The following ACTL6B variants were observed in gnomAD, a reference collection of about 807,000 sequenced individuals.
ACTL6B encodes actin-like protein 6B.
A neutral mutation model predicts 63.3 loss-of-function variants in ACTL6B; 48 were observed. The ratio of observed to expected loss-of-function variants is 0.76; its 90% CI spans 0.60 to 0.96. The LOEUF (loss-of-function observed/expected upper bound fraction) is 0.96. Among genes scored for constraint, ACTL6B ranks in the 50% least tolerant of loss-of-function variants. The probability of loss-of-function intolerance (pLI) is 0.00; values close to 1 mark genes in which losing one functional copy is unlikely to be tolerated. For synonymous variants in ACTL6B, 230 were observed against 223.8 expected (o/e 1.03, Z -0.25); for missense variants, 350 against 572.2 (o/e 0.61, Z 3.96).
Position 100,647,389 on chromosome 7 carries a change from C to G in ACTL6B, c.759+55G>C. On this transcript the variant is annotated intron_variant, in intron 8 of 13. Coordinates refer to ENST00000160382, the MANE Select transcript of ACTL6B (RefSeq NM_016188.5). The surrounding 1 kb of genome is among the most constrained non-coding windows in gnomAD (Gnocchi z 4.4). ...CCTCCCATGCGGGGCCTCTGTCCCG[C>G]CCCCGATTCATGGCAGGGGAGGGGG... is the stretch of plus-strand genomic sequence containing the variant. 4 of 1,598,564 alleles carry G rather than the reference C, an allele frequency of 2.5e-6. No homozygotes were observed. The highest frequency in any genetic ancestry group is 3.4e-6 in the Non-Finnish European group (4 of 1,167,104).
intron 13 of ACTL6B, among the ~76,000 whole-genome samples, chr7:100,645,471 G>A (rs1478176373): frequency 6.6e-6 from 1 of 151,832 alleles, no homozygotes; most frequent in Non-Finnish European, 1.5e-5. Context: ...CTCATACCCC[G>A]ACCCCAAAGA....
rs1231229641 is a variant in ACTL6B at position 100,655,817 on chromosome 7, C to T, written c.88G>A (p.Glu30Lys). The change falls in exon 2 of 14, where the codon GAG (glutamate) becomes AAG (lysine). Residue 30 changes from glutamate to lysine, a missense_variant. Physicochemically the swap from Glu to Lys is moderately conservative, Grantham distance 56. Coordinates refer to ENST00000160382, the MANE Select transcript of ACTL6B (RefSeq NM_016188.5). This position sits in a 1 kb window ranked among gnomAD's most constrained non-coding sequence, Gnocchi z 4.4. ...GGAAGGCTCACCTTGGGACAGTCCT[C>T]CCCAGCGTACCCAGCGCGGACTGAG... Reference protein sequence around the residue: ...SFSVRAGYAGEDCPKADFPTT... With the variant: ...SFSVRAGYAGKDCPKADFPTT... 1 of 1,572,472 alleles carries T rather than the reference C, an allele frequency of 6.4e-7. No homozygotes were observed. The highest frequency in any genetic ancestry group is 1.8e-5 in the Admixed American group (1 of 54,474).
rs549024770 is a variant in ACTL6B at position 100,653,078 on chromosome 7, A to AAAG, written c.369+1938_369+1940dup. On this transcript the variant is annotated intron_variant, in intron 4 of 13. Coordinates refer to ENST00000160382, the MANE Select transcript of ACTL6B (RefSeq NM_016188.5). Reference sequence around the variant, plus strand: ...TTTTTTTCCAGTTCTAGGAAAACAAAAAGTTGCACAAGAAAGGAAAGGTGA... The same window carrying AAAG: ...TTTTTTTCCAGTTCTAGGAAAACAAAAAGAAGTTGCACAAGAAAGGAAAGGTGA... 6.7e-4 allele frequency among the ~76,000 whole-genome samples: 101 copies of AAAG among 151,398 alleles called. 1 individual carries two copies. The highest frequency in any genetic ancestry group is 2.2e-3 in the African/African-American group (91 of 41,286).
In ACTL6B at chr7:100,648,675, C is replaced by T. The variant is rs759021035; in HGVS notation, c.563-13G>A. ...GACTTGACGATGCCTAGAAGGAAGG[C>T]ACTGTCAGGACCTGGTCCTCCTGGA... On this transcript the variant is annotated splice_polypyrimidine_tract_variant and intron_variant, in intron 6 of 13. Transcript: ENST00000160382. The surrounding 1 kb of genome is among the most constrained non-coding windows in gnomAD (Gnocchi z 4.4). 1.7e-5 allele frequency: 28 copies of T among 1,612,394 alleles called. No homozygotes were observed. The highest frequency in any genetic ancestry group is 2.3e-5 in the Non-Finnish European group (27 of 1,178,916).
intron 4 of ACTL6B, 93 bp from the exon 5 acceptor site, chr7:100,650,228 C>G: frequency 1.0e-6 from 1 of 963,086 alleles, no homozygotes; most frequent in South Asian, 1.4e-5. Context: ...CACATACACT[C>G]ACGGTCACAC....
chr7:100,647,075 G>A lies in ACTL6B; in HGVS notation c.832C>T (p.Gln278Ter). 1 of 1,614,086 alleles carries A rather than the reference G, an allele frequency of 6.2e-7. No individual in the cohort carries two copies. Among genetic ancestry groups the A allele is most frequent in the Non-Finnish European group, 8.5e-7 (1 of 1,180,012 alleles). The change falls in exon 10 of 14, where the codon CAA becomes TAA. Residue 278 changes from glutamine (Q) to a stop codon, truncating the protein, a stop_gained. Coordinates refer to ENST00000160382, the MANE Select transcript of ACTL6B (RefSeq NM_016188.5). LOFTEE classifies it high-confidence loss of function. The surrounding 1 kb of genome is among the most constrained non-coding windows in gnomAD (Gnocchi z 4.4). ...ATCTCGTAGTGCACTGTGGGCATTTGTGCAGCCACCCTACCCAGAAGGGAG... is the reference window on the plus strand; with the variant it reads ...ATCTCGTAGTGCACTGTGGGCATTTATGCAGCCACCCTACCCAGAAGGGAG... The part of the protein sequence containing the change: ...DSPYDEQVAA[Q>*]MPTVHYEMPN...
intron 4 of ACTL6B, 86 bp from the exon 5 acceptor site, chr7:100,650,221 A>G: frequency 9.1e-7 from 1 of 1,104,292 alleles, no homozygotes; most frequent in Admixed American, 1.9e-5. Context: ...TCACTCACAC[A>G]TACACTCACG....
rs548971127 is a variant in ACTL6B at position 100,647,708 on chromosome 7, C to G, written c.670-175G>C. On this transcript the variant is annotated intron_variant, in intron 7 of 13. Coordinates refer to ENST00000160382, the MANE Select transcript of ACTL6B (RefSeq NM_016188.5). The surrounding 1 kb of genome is among the most constrained non-coding windows in gnomAD (Gnocchi z 4.4). ...AGAGGAGAGAGAATGGGGCATGCCT[C>G]TCTCTCCATGTGTGCCTTTCATGCG... is the stretch of plus-strand genomic sequence containing the variant. 1.7e-6 allele frequency: 1 copy of G among 576,908 alleles called. No individual in the cohort carries two copies. Among genetic ancestry groups the G allele is most frequent in the African/African-American group, 1.9e-5 (1 of 53,688 alleles). The allele number at this position is 576,908 out of a possible 1,614,324, so 35.7% of individuals were successfully genotyped here. A position where few individuals can be genotyped will look rare whatever the true frequency, so the allele number is the denominator to read the frequency against.
chr7:100,656,182 C>T (rs1804037016), intron 1 of ACTL6B, 148 bp downstream of exon 1: 3 of 1,012,972 alleles, frequency 3.0e-6, no homozygotes, highest in African/African-American at 1.7e-5. Flanking sequence ...CTGGGGAGGA[C>T]CGAGCGCAGG....
intron 4 of ACTL6B, among the ~76,000 whole-genome samples, chr7:100,650,749 T>C (rs1562849735): frequency 1.3e-5 from 2 of 150,078 alleles, no homozygotes. Context: ...AATAGAAGGA[T>C]TGGAACATAA....
In ACTL6B at chr7:100,655,488, G is replaced by A. The variant is rs372225959; in HGVS notation, c.201C>T (p.Ile67=). ...GAGGCACGTGCAGGGCATTGGTGTC[G>A]ATGTGGAAGATCTTCCCTTTCTTCT... is the stretch of plus-strand genomic sequence containing the variant. ...DKEKKGKIFH[I]DTNALHVPRD... The change falls in exon 3 of 14, where the codon ATC becomes ATT. Residue 67 remains isoleucine (I), a synonymous_variant. Transcript: ENST00000160382. This position sits in a 1 kb window ranked among gnomAD's most constrained non-coding sequence, Gnocchi z 4.4. 2 of 1,614,182 alleles carry A rather than the reference G, an allele frequency of 1.2e-6. No individual in the cohort carries two copies. The highest frequency in any genetic ancestry group is 1.7e-5 in the Admixed American group (1 of 60,016).
intron 4 of ACTL6B, among the ~76,000 whole-genome samples, chr7:100,650,698 C>G (rs1004593771): frequency 1.3e-5 from 2 of 151,508 alleles, no homozygotes; most frequent in Non-Finnish European, 1.5e-5. Flanking sequence ...AAGTAAGGAG[C>G]TTGTGGGAAT....
Position 100,655,642 on chromosome 7 carries a change from CT to C in ACTL6B, c.103-57del. 2 of 1,569,526 alleles carry C rather than the reference CT, an allele frequency of 1.3e-6. No individual in the cohort carries two copies. Among genetic ancestry groups the C allele is most frequent in the Non-Finnish European group, 1.7e-6 (2 of 1,158,334 alleles). On this transcript the variant is annotated intron_variant, in intron 2 of 13. Coordinates refer to ENST00000160382, the MANE Select transcript of ACTL6B (RefSeq NM_016188.5). The surrounding 1 kb of genome is among the most constrained non-coding windows in gnomAD (Gnocchi z 4.4). Reference sequence around the variant, plus strand: ...AGGGAGAGAGGTCACCCTCTTGCCCCTGTCCAGCCCCACAGCAGGGTCCTCA... The same window carrying C: ...AGGGAGAGAGGTCACCCTCTTGCCCCGTCCAGCCCCACAGCAGGGTCCTCA...
chr7:100,653,994 A>C (rs1803990082), intron 4 of ACTL6B, among the ~76,000 whole-genome samples: 1 of 150,538 alleles, frequency 6.6e-6, no homozygotes, highest in Admixed American at 6.6e-5. Flanking sequence ...TTTTTTTGAG[A>C]CAGAGTCTCG....
Position 100,650,152 on chromosome 7 carries a change from GA to G in ACTL6B, c.370-18del. ...TGTGTTCCACTGTGGAGAAAGTGCA[GA>G]GGGGGAGGATTCAGGAAGGGAGAGG... On this transcript the variant is annotated intron_variant, in intron 4 of 13. Transcript: ENST00000160382. The G allele has an allele frequency of 6.2e-7, 1 of 1,612,192 alleles. No individual in the cohort carries two copies. Among genetic ancestry groups the G allele is most frequent in the Non-Finnish European group, 8.5e-7 (1 of 1,178,938 alleles).
Position 100,646,205 on chromosome 7 carries a change from C to T in ACTL6B, c.1200+44G>A. On this transcript the variant is annotated intron_variant, in intron 13 of 13. Transcript: ENST00000160382. This position sits in a 1 kb window ranked among gnomAD's most constrained non-coding sequence, Gnocchi z 6.1. ...GTGGCGGGCACTGTCTGGGTCTCCCCTCTCCCCCACAGTCAGTGCTAGGCC... is the reference window on the plus strand; with the variant it reads ...GTGGCGGGCACTGTCTGGGTCTCCCTTCTCCCCCACAGTCAGTGCTAGGCC... The T allele has an allele frequency of 6.5e-7, 1 of 1,547,044 alleles. No individual in the cohort carries two copies. Among genetic ancestry groups the T allele is most frequent in the Non-Finnish European group, 8.8e-7 (1 of 1,130,746 alleles).
At position 100,648,815 on chromosome 7, in the gene ACTL6B, T is replaced by C; in HGVS notation, c.476A>G (p.Asn159Ser). 1 of 1,613,522 alleles carries C rather than the reference T, an allele frequency of 6.2e-7. No homozygotes were observed. The highest frequency in any genetic ancestry group is 8.5e-7 in the Non-Finnish European group (1 of 1,179,808). The change falls in exon 6 of 14, where the codon AAC (asparagine) becomes AGC (serine). Residue 159 changes from asparagine (N) to serine (S), a missense_variant. By Grantham distance (46) the Asn-to-Ser change is conservative. Around this residue, in one of 3 missense-constraint regions of ACTL6B, gnomAD observed 250 missense variants for 364.7 expected, o/e 0.69. Transcript: ENST00000160382. This position sits in a 1 kb window ranked among gnomAD's most constrained non-coding sequence, Gnocchi z 4.4. The part of the protein sequence containing the change: ...CKTAVLTAFA[N>S]GRSTGLVLDS... ...CAGCACGAGGCCAGTGGACCGCCCG[T>C]TTGCAAAGCTGGCATCGGATGGGTA... is the stretch of plus-strand genomic sequence containing the variant.
chr7:100,655,784 A>G lies in ACTL6B; in HGVS notation c.102+19T>C, dbSNP rs1422667778. On this transcript the variant is annotated intron_variant, in intron 2 of 13. Transcript: ENST00000160382. The surrounding 1 kb of genome is among the most constrained non-coding windows in gnomAD (Gnocchi z 4.4). ...GGTCCGAAGCCCCTAGGATTTGGAG[A>G]GGAGACTGGAAGGCTCACCTTGGGA... 1.9e-6 allele frequency: 3 copies of G among 1,559,012 alleles called. No homozygotes were observed. In the South Asian group the frequency reaches 3.5e-5, roughly 18 times the overall value.
intron 4 of ACTL6B, among the ~76,000 whole-genome samples, chr7:100,653,997 G>A (rs976136912): frequency 1.3e-5 from 2 of 150,934 alleles, no homozygotes; most frequent in East Asian, 1.9e-4. Flanking sequence ...TTTTGAGACA[G>A]AGTCTCGCTC....
Sources: allele counts gnomAD v4.1 joint callset (sites outside exome capture counted in the v4.1 genomes callset), GRCh38; gene constraint gnomAD v4.1.1; regional missense constraint gnomAD v4.1.1; non-coding constraint Gnocchi (gnomAD v3.1); transcripts MANE v1.5; gene names NCBI Gene and HGNC (gene_info 2026-07-23, HGNC 2026-07-21).